The following NKAIN3 variants were observed in gnomAD, a reference collection of about 807,000 sequenced individuals.
NKAIN3 encodes sodium/potassium transporting ATPase interacting 3.
A neutral mutation model predicts 30.2 loss-of-function variants in NKAIN3; 25 were observed. That is an observed-to-expected ratio of 0.83 (90% CI 0.60 to 1.16). The LOEUF is 1.16. NKAIN3 is among the 50% of genes most tolerant of loss of function. The pLI is 0.00. For synonymous variants in NKAIN3, 91 were observed against 89.6 expected, an observed-to-expected ratio of 1.02 and a Z score of -0.09; for missense variants, 225 against 254.1, an observed-to-expected ratio of 0.89 and a Z score of 0.78.
intron 4 of NKAIN3, among the ~76,000 whole-genome samples, chr8:62,806,827 TA>T (rs1453940119): frequency 3.3e-5 from 5 of 151,168 alleles, no homozygotes; most frequent in East Asian, 1.9e-4. Context: ...TAAAATAATA[TA>T]AAAAAATAAA....
intron 1 of NKAIN3, among the ~76,000 whole-genome samples, chr8:62,548,930 A>T (rs559507579): frequency 6.6e-6 from 1 of 152,160 alleles, no homozygotes; most frequent in African/African-American, 2.4e-5. Flanking sequence ...GTTTTCAGTA[A>T]GTTACAGGTA....
chr8:62,563,011 G>C (rs745553478), intron 1 of NKAIN3, among the ~76,000 whole-genome samples: 3 of 152,062 alleles, frequency 2.0e-5, no homozygotes, highest in Non-Finnish European at 2.9e-5. Flanking sequence ...CTGTGTTCCT[G>C]CCAGCTTGTT....
At chr8:62,644,019 T>A (rs1812386919) in intron 3 of NKAIN3, among the ~76,000 whole-genome samples, 1 of 152,128 alleles carries the variant, frequency 6.6e-6, no homozygotes, top group Admixed American at 6.6e-5. Flanking sequence ...TTTTGGTGAA[T>A]AAGAAGACCC....
At chr8:62,281,010 T>G (rs1021356300) in intron 1 of NKAIN3, among the ~76,000 whole-genome samples, 5 of 152,118 alleles carry the variant, frequency 3.3e-5, no homozygotes, top group Non-Finnish European at 5.9e-5. Context: ...GTCCTGGACT[T>G]TTTTTGGTTG....
chr8:62,471,692 C>A (rs923354307), intron 1 of NKAIN3, among the ~76,000 whole-genome samples: 2 of 152,046 alleles, frequency 1.3e-5, no homozygotes, highest in African/African-American at 4.8e-5. Flanking sequence ...CGGTGACTCA[C>A]GTCTATAATC....
intron 5 of NKAIN3, among the ~76,000 whole-genome samples, chr8:62,995,097 C>T (rs1299255832): frequency 1.3e-5 from 2 of 152,188 alleles, no homozygotes; most frequent in African/African-American, 2.4e-5. Flanking sequence ...TTGGTATTTA[C>T]ATTTGCACAT....
At chr8:62,876,225 T>G (rs1035019957) in intron 4 of NKAIN3, among the ~76,000 whole-genome samples, 1 of 151,550 alleles carries the variant, frequency 6.6e-6, no homozygotes, top group Non-Finnish European at 1.5e-5. Flanking sequence ...ATAAAAAAAG[T>G]TCAACATCAC....
chr8:62,957,132 T>G (rs368997584), intron 6 of NKAIN3, among the ~76,000 whole-genome samples: 7 of 119,196 alleles, frequency 5.9e-5, no homozygotes, highest in African/African-American at 2.5e-4. Context: ...CCGATATTTA[T>G]AGCAGCCTTT....
intron 4 of NKAIN3, chr8:62,864,178 A>C (rs938135884): frequency 2.8e-5 from 18 of 641,994 alleles, no homozygotes; most frequent in African/African-American, 9.2e-5. Flanking sequence ...TGCTCAACCG[A>C]CCGGGAGGAG....
At chr8:62,325,101 T>A (rs1815070780) in intron 1 of NKAIN3, among the ~76,000 whole-genome samples, 1 of 152,074 alleles carries the variant, frequency 6.6e-6, no homozygotes, top group African/African-American at 2.4e-5. Context: ...GTACACTGTA[T>A]CCAATAGGTA....
intron 4 of NKAIN3, among the ~76,000 whole-genome samples, chr8:62,848,155 A>G (rs1269485871): frequency 6.6e-6 from 1 of 151,984 alleles, no homozygotes; most frequent in Admixed American, 6.6e-5. Flanking sequence ...TGCCTTGGTT[A>G]TTTTGGCTCT....
chr8:62,890,949 G>T (rs28556578), intron 4 of NKAIN3, among the ~76,000 whole-genome samples: 1,528 of 152,296 alleles, frequency 0.01, 27 homozygotes, highest in African/African-American at 0.036. Flanking sequence ...CCAGATGTCT[G>T]TAGTTTGCTG....
chr8:62,595,382 C>CT (rs1181598520), intron 3 of NKAIN3, among the ~76,000 whole-genome samples: 33,926 of 109,738 alleles, frequency 0.31, 6,363 homozygotes, highest in African/African-American at 0.41. Context: ...GGGCTATTTT[C>CT]TTTTTTTTTT....
At chr8:62,398,549 C>T (rs1476542427) in intron 1 of NKAIN3, among the ~76,000 whole-genome samples, 2 of 152,130 alleles carry the variant, frequency 1.3e-5, no homozygotes, top group Non-Finnish European at 2.9e-5. Context: ...ACTGAAAGTA[C>T]ATGGTAGTAA....
chr8:62,601,043 A>T (rs1810970570), intron 3 of NKAIN3, among the ~76,000 whole-genome samples: 1 of 152,088 alleles, frequency 6.6e-6, no homozygotes, highest in Non-Finnish European at 1.5e-5. Context: ...AGTTCAGTAC[A>T]TGAACAATTG....
chr8:62,689,796 T>C (rs1813906670), intron 3 of NKAIN3, among the ~76,000 whole-genome samples: 1 of 151,518 alleles, frequency 6.6e-6, no homozygotes, highest in Non-Finnish European at 1.5e-5. Context: ...TGAGATTCAA[T>C]CATCGAGTCA....
At chr8:62,283,914 A>G (rs1813285401) in intron 1 of NKAIN3, among the ~76,000 whole-genome samples, 1 of 152,194 alleles carries the variant, frequency 6.6e-6, no homozygotes, top group Admixed American at 6.6e-5. Flanking sequence ...TTAAAAATTA[A>G]TGTATTGATT....
chr8:62,785,401 G>A (rs1043255122), intron 4 of NKAIN3, among the ~76,000 whole-genome samples: 8 of 152,210 alleles, frequency 5.3e-5, no homozygotes, highest in South Asian at 4.1e-4. Flanking sequence ...TAGATCAGTC[G>A]TCACTTACAC....
intron 4 of NKAIN3, among the ~76,000 whole-genome samples, chr8:62,823,242 G>A (rs1301788299): frequency 2.6e-5 from 4 of 152,108 alleles, no homozygotes; most frequent in East Asian, 1.9e-4. Flanking sequence ...GTCACTAGGC[G>A]ACAGGATTTT....
Sources: gnomAD v4.1 joint callset for allele counts (sites outside exome capture counted in the v4.1 genomes callset) on GRCh38, gnomAD v4.1.1 for gene constraint, MANE v1.5 for transcripts, NCBI Gene and HGNC (gene_info 2026-07-23, HGNC 2026-07-21) for gene names.